The following C1QTNF7 variants were observed in gnomAD, a reference collection of about 807,000 sequenced individuals.
C1QTNF7 encodes complement C1q tumor necrosis factor-related protein 7.
C1QTNF7 carries 15 observed loss-of-function variants against 19.6 expected under a neutral mutation model. That is an observed-to-expected ratio of 0.76 (90% CI 0.51 to 1.18). The LOEUF (loss-of-function observed/expected upper bound fraction) is 1.18, where lower values mean the gene tolerates loss of function less well. Among genes scored for constraint, C1QTNF7 ranks in the 50% most tolerant of loss-of-function variants. The probability of loss-of-function intolerance (pLI) is 0.00; values close to 1 mark genes in which losing one functional copy is unlikely to be tolerated. For missense variants in C1QTNF7, 324 were observed against 359.7 expected (o/e 0.90, Z 0.80); for synonymous variants, 142 against 137.5 (o/e 1.03, Z -0.23).
chr4:15,339,870 C>G (rs1333199885), upstream of C1QTNF7: 4 of 457,048 alleles, frequency 8.8e-6, no homozygotes, highest in African/African-American at 6.0e-5. Context: ...ATATTAAGCT[C>G]TTTGAAATGT....
chr4:15,403,347 G>A (rs1394507118), intron 1 of C1QTNF7, among the ~76,000 whole-genome samples: 1 of 152,142 alleles, frequency 6.6e-6, no homozygotes, highest in African/African-American at 2.4e-5. Context: ...ACCACAACCT[G>A]GGTGGTTTAC....
intron 1 of C1QTNF7, among the ~76,000 whole-genome samples, chr4:15,384,586 G>C (rs1372826072): frequency 1.3e-5 from 2 of 152,140 alleles, no homozygotes; most frequent in African/African-American, 4.8e-5. Flanking sequence ...GTGTGTGCAG[G>C]AAGAAAACTG....
At chr4:15,354,669 T>C (rs1222991102) in intron 1 of C1QTNF7, among the ~76,000 whole-genome samples, 2 of 152,070 alleles carry the variant, frequency 1.3e-5, no homozygotes, top group East Asian at 3.9e-4. Context: ...CATGAGAACA[T>C]TGAGTGAATT....
At chr4:15,413,559 C>T (rs750179372) in intron 1 of C1QTNF7, among the ~76,000 whole-genome samples, 1 of 152,196 alleles carries the variant, frequency 6.6e-6, no homozygotes, top group Non-Finnish European at 1.5e-5. Context: ...ATCTAGAGCT[C>T]GTATTCCCTC....
intron 1 of C1QTNF7, among the ~76,000 whole-genome samples, chr4:15,399,020 G>A (rs1273006510): frequency 1.3e-5 from 2 of 152,132 alleles, no homozygotes; most frequent in Non-Finnish European, 2.9e-5. Context: ...GTTTACTGGA[G>A]TTGTATGCAT....
At chr4:15,398,030 A>G (rs567526470) in intron 1 of C1QTNF7, among the ~76,000 whole-genome samples, 23 of 152,270 alleles carry the variant, frequency 1.5e-4, no homozygotes, top group African/African-American at 5.1e-4. Flanking sequence ...CCACAATTTC[A>G]GTCTTTCTTG....
At chr4:15,408,765 G>A (rs947195160) in intron 1 of C1QTNF7, among the ~76,000 whole-genome samples, 7 of 152,154 alleles carry the variant, frequency 4.6e-5, no homozygotes, top group Non-Finnish European at 8.8e-5. Context: ...TTTCCCAATA[G>A]CACTCAGCTG....
chr4:15,350,079 GAGGA>G (rs1391441981), intron 1 of C1QTNF7, among the ~76,000 whole-genome samples: 1 of 131,890 alleles, frequency 7.6e-6, no homozygotes, highest in Non-Finnish European at 1.6e-5. Context: ...GGAAGGGAGA[GAGGA>G]AGGGAGGGAG....
intron 1 of C1QTNF7, among the ~76,000 whole-genome samples, chr4:15,435,414 A>G (rs557362918): frequency 5.9e-5 from 9 of 152,216 alleles, no homozygotes; most frequent in Non-Finnish European, 1.2e-4. Context: ...AAAATGCACT[A>G]TGTTTGTAAA....
chr4:15,441,414 A>G (rs1253499720), intron 2 of C1QTNF7, among the ~76,000 whole-genome samples: 1 of 152,256 alleles, frequency 6.6e-6, no homozygotes, highest in Admixed American at 6.5e-5. Context: ...AAATATAAGC[A>G]AATCTAATTT....
intron 1 of C1QTNF7, among the ~76,000 whole-genome samples, chr4:15,360,628 A>G (rs762623196): frequency 1.3e-5 from 2 of 152,198 alleles, no homozygotes; most frequent in African/African-American, 4.8e-5. Flanking sequence ...CAAAAATGCA[A>G]GAAACAGCAC....
At chr4:15,404,797 A>G (rs1056182940) in intron 1 of C1QTNF7, among the ~76,000 whole-genome samples, 2 of 152,328 alleles carry the variant, frequency 1.3e-5, no homozygotes, top group South Asian at 4.1e-4. Flanking sequence ...CGAGTAAGGA[A>G]TGTCTGCACA....
chr4:15,350,980 T>G (rs563532373), intron 1 of C1QTNF7, among the ~76,000 whole-genome samples: 1 of 152,214 alleles, frequency 6.6e-6, no homozygotes, highest in South Asian at 2.1e-4. Context: ...CAACTTGGAT[T>G]AAAATCCAAG....
At chr4:15,390,432 T>C (rs557771490) in intron 1 of C1QTNF7, among the ~76,000 whole-genome samples, 3 of 152,308 alleles carry the variant, frequency 2.0e-5, no homozygotes, top group Non-Finnish European at 4.4e-5. Context: ...GCCAAGTTAA[T>C]GCAAAAAACT....
chr4:15,415,445 G>C (rs1254549488), intron 1 of C1QTNF7, among the ~76,000 whole-genome samples: 3 of 152,052 alleles, frequency 2.0e-5, no homozygotes, highest in Admixed American at 1.3e-4. Context: ...TTTTTATGTA[G>C]CATTTATTGA....
rs185914566 is a variant in C1QTNF7, at chr4:15,367,368, G to T, written c.13+27161G>T. Reference sequence around the variant, plus strand: ...ATGACAAGGTTTCCACCAAGTGGCGGTCATATACTTGGGACTTCCACTACA... The same window carrying T: ...ATGACAAGGTTTCCACCAAGTGGCGTTCATATACTTGGGACTTCCACTACA... On this transcript the variant is annotated intron_variant, in intron 1 of 2. Coordinates refer to the C1QTNF7 transcript ENST00000295297. Among the ~76,000 whole-genome samples, 873 of 152,268 alleles carry T rather than the reference G, an allele frequency of 5.7e-3. 5 individuals are homozygous for T. The highest frequency in any genetic ancestry group is 0.02 in the African/African-American group (837 of 41,544).
intron 1 of C1QTNF7, among the ~76,000 whole-genome samples, chr4:15,389,384 A>T (rs1173935366): frequency 6.6e-6 from 1 of 151,752 alleles, no homozygotes; most frequent in Non-Finnish European, 1.5e-5. Context: ...GCTTCTCTTC[A>T]CTCCTGTGCA....
rs76405111 is a variant in C1QTNF7 at position 15,409,822 on chromosome 4, T to C, written c.14-25914T>C. ...ACTTACCAGAGTTGTTAGGCTGAAA[T>C]AGGACAATACATATAAAGCATTCCA... On this transcript the variant is annotated intron_variant, in intron 1 of 2. Coordinates refer to the C1QTNF7 transcript ENST00000295297. Among the ~76,000 whole-genome samples, 453 of 152,304 alleles carry C rather than the reference T, an allele frequency of 3.0e-3. 4 individuals are homozygous for C. Among genetic ancestry groups the C allele is most frequent in the Non-Finnish European group, 3.8e-3 (258 of 68,016 alleles).
intron 1 of C1QTNF7, among the ~76,000 whole-genome samples, chr4:15,417,010 C>T (rs574830008): frequency 9.9e-5 from 15 of 152,248 alleles, no homozygotes; most frequent in African/African-American, 3.4e-4. Flanking sequence ...TTTTCTTTTC[C>T]TCCAGATCTT....
Sources: gnomAD v4.1 joint callset for allele counts (sites outside exome capture counted in the v4.1 genomes callset) on GRCh38, gnomAD v4.1.1 for gene constraint, MANE v1.5 for transcripts, NCBI Gene and HGNC (gene_info 2026-07-23, HGNC 2026-07-21) for gene names.